The following RECK variants were observed in gnomAD, a reference collection of about 807,000 sequenced individuals.
RECK encodes reversion-inducing cysteine-rich protein with Kazal motifs.
In RECK, 69 loss-of-function variants were observed where a neutral mutation model predicts 115.1. That is an observed-to-expected ratio of 0.60 (90% CI 0.49 to 0.73). The LOEUF (loss-of-function observed/expected upper bound fraction) is 0.73, where lower values mean the gene tolerates loss of function less well. Ranked by LOEUF, RECK falls within the 30% of genes least tolerant of loss-of-function variation. The pLI is 0.00. For synonymous variants in RECK, 414 were observed against 419.7 expected (o/e 0.99, Z 0.17); for missense variants, 1,047 against 1,203.7 (o/e 0.87, Z 1.93).
At chr9:36,063,284 T>C (rs1259054383) in intron 4 of RECK, among the ~76,000 whole-genome samples, 1 of 152,220 alleles carries the variant, frequency 6.6e-6, no homozygotes, top group Admixed American at 6.5e-5. Context: ...AAGCCAGATA[T>C]ACCTGACTCA....
intron 14 of RECK, among the ~76,000 whole-genome samples, chr9:36,109,420 A>T (rs913403238): frequency 3.5e-4 from 53 of 152,238 alleles, no homozygotes; most frequent in African/African-American, 1.3e-3. Context: ...AGCCAGAAAC[A>T]TTCTTAGAGG....
chr9:36,073,231 G>GACACACACACAC (rs1296993241), intron 6 of RECK, among the ~76,000 whole-genome samples: 6 of 94,906 alleles, frequency 6.3e-5, no homozygotes, highest in East Asian at 3.3e-4. Flanking sequence ...GACACACACA[G>GACACACACACAC]ACACACACAG....
intron 1 of RECK, among the ~76,000 whole-genome samples, chr9:36,045,229 A>G (rs1821026083): frequency 6.6e-6 from 1 of 152,114 alleles, no homozygotes; most frequent in African/African-American, 2.4e-5. Flanking sequence ...ATGCAGATAT[A>G]CCCACGTGTA....
rs759021418 is a variant in RECK, at chr9:36,083,349, C to CT, written c.440-9dup. Reference sequence around the variant, plus strand: ...AGCTGTTTCCATGTCAGTGCCTTCTCTTTTTTTCTCCATAGTGGGCTCGGT... The same window carrying CT: ...AGCTGTTTCCATGTCAGTGCCTTCTCTTTTTTTTCTCCATAGTGGGCTCGGT... On this transcript the variant is annotated splice_polypyrimidine_tract_variant and intron_variant, in intron 7 of 20. Coordinates refer to ENST00000377966, the MANE Select transcript of RECK (RefSeq NM_021111.3). The CT allele has an allele frequency of 6.2e-7, 1 of 1,611,568 alleles. No homozygotes were observed. The highest frequency in any genetic ancestry group is 1.1e-5 in the South Asian group (1 of 90,516).
chr9:36,093,982 GA>G (rs1339818872), intron 10 of RECK, among the ~76,000 whole-genome samples: 3 of 149,614 alleles, frequency 2.0e-5, no homozygotes, highest in Non-Finnish European at 4.5e-5. Flanking sequence ...AGTACTCAGA[GA>G]AAAAAAAATC....
intron 19 of RECK, among the ~76,000 whole-genome samples, 183 bp from the exon 20 acceptor site, chr9:36,121,350 A>T (rs563860102): frequency 1.3e-5 from 2 of 152,218 alleles, no homozygotes; most frequent in Non-Finnish European, 2.9e-5. Context: ...TTTCTCAGTC[A>T]GGCAAAACCC....
intron 6 of RECK, among the ~76,000 whole-genome samples, chr9:36,066,538 C>A (rs141134051): frequency 9.2e-5 from 14 of 151,740 alleles, no homozygotes; most frequent in African/African-American, 3.1e-4. Flanking sequence ...TCTTTTGTTC[C>A]TTTGTACTGT....
rs1401073937 is a variant in RECK at position 36,087,923 on chromosome 9, A to G, written c.867A>G (p.Lys289=). ...CCTCTACAGGCCTCGATGGGGCTAA[A>G]TTGCATTGTTGTTCTAAAGCAAACA... ...PPPSTGLDGA[K]LHCCSKANTS... The change falls in exon 9 of 21, where the codon AAA becomes AAG. Residue 289 remains lysine, a synonymous_variant. Transcript: ENST00000377966. 7 of 1,613,584 alleles carry G rather than the reference A, an allele frequency of 4.3e-6. No homozygotes were observed. Among genetic ancestry groups the G allele is most frequent in the Non-Finnish European group, 5.9e-6 (7 of 1,179,592 alleles).
At chr9:36,062,712 A>C (rs1821828077) in intron 4 of RECK, among the ~76,000 whole-genome samples, 1 of 151,958 alleles carries the variant, frequency 6.6e-6, no homozygotes, top group Admixed American at 6.5e-5. Flanking sequence ...TCATGACCTC[A>C]AGTGATCTGC....
intron 10 of RECK, among the ~76,000 whole-genome samples, chr9:36,092,339 G>T (rs1306339487): frequency 6.6e-6 from 1 of 151,776 alleles, no homozygotes; most frequent in Non-Finnish European, 1.5e-5. Context: ...TGAAGGTATT[G>T]GAGACTGATC....
Position 36,100,438 on chromosome 9 carries a change from C to T in RECK, c.1193C>T (p.Pro398Leu), listed in dbSNP as rs1275291648. ...GSIKMPFINI[P>L]VLDIKKCQPE... ...ATAAAGATGCCATTTATCAATATAC[C>T]TGTTCTTGATATTAAAAAGTGCCAG... The change falls in exon 11 of 21, where the codon CCT (proline) becomes CTT (leucine). Residue 398 changes from proline to leucine, a missense_variant. Transcript: ENST00000377966. 5.0e-6 allele frequency: 8 copies of T among 1,612,586 alleles called. No individual in the cohort carries two copies. The highest frequency in any genetic ancestry group is 4.0e-5 in the African/African-American group (3 of 74,862).
intron 2 of RECK, among the ~76,000 whole-genome samples, chr9:36,056,243 A>T (rs77797381): frequency 7.1e-4 from 53 of 74,712 alleles, no homozygotes; most frequent in Admixed American, 6.7e-3. Context: ...TATGTCATTT[A>T]AAAAAAAAAT....
intron 1 of RECK, among the ~76,000 whole-genome samples, chr9:36,050,042 A>G (rs1054479284): frequency 6.6e-6 from 1 of 152,176 alleles, no homozygotes; most frequent in African/African-American, 2.4e-5. Flanking sequence ...CTGTCTCTGA[A>G]GGAGGGAATG....
At chr9:36,037,432 C>T (rs1235166799) in intron 1 of RECK, among the ~76,000 whole-genome samples, 2 of 151,624 alleles carry the variant, frequency 1.3e-5, no homozygotes, top group Non-Finnish European at 2.9e-5. Flanking sequence ...AGGATCGTCG[C>T]GAGGTTTAGA....
chr9:36,112,239 A>G, intron 15 of RECK, 66 bp from the exon 16 acceptor site: 1 of 1,516,654 alleles, frequency 6.6e-7, no homozygotes. Flanking sequence ...GTTTGCCTTA[A>G]CAAGGAAATA....
chr9:36,109,856 G>A (rs1587085109), intron 14 of RECK, 101 bp from the exon 15 acceptor site: 18 of 1,113,414 alleles, frequency 1.6e-5, no homozygotes, highest in South Asian at 7.8e-5. Flanking sequence ...AAAAAAAAAA[G>A]GAATTTCCAT....
intron 10 of RECK, among the ~76,000 whole-genome samples, chr9:36,099,646 T>C (rs746553588): frequency 5.9e-5 from 9 of 151,918 alleles, no homozygotes; most frequent in Non-Finnish European, 1.3e-4. Flanking sequence ...TTTTTGTTTG[T>C]TTGTTTTTGT....
intron 1 of RECK, among the ~76,000 whole-genome samples, chr9:36,050,076 T>C (rs1393247189): frequency 6.6e-6 from 1 of 152,186 alleles, no homozygotes; most frequent in Non-Finnish European, 1.5e-5. Context: ...TCAGATCTTG[T>C]CCTTCCCCAG....
In RECK at chr9:36,087,714, G is replaced by A. The variant is rs755997025; in HGVS notation, c.658G>A (p.Ala220Thr). ...TGTAGGTTTATATTGCTGTGACAGA[G>A]CTGAAGACCATGCTTGCCAAAATGC... The part of the protein sequence containing the change: ...PTDSLYCCDR[A>T]EDHACQNACK... The change falls in exon 9 of 21, where the codon GCT (alanine) becomes ACT (threonine). Residue 220 changes from alanine (A) to threonine (T), a missense_variant. Ala to Thr is a moderately conservative substitution (Grantham distance 58, BLOSUM62 0). Transcript: ENST00000377966. 1 of 1,613,960 alleles carries A rather than the reference G, an allele frequency of 6.2e-7. No individual in the cohort carries two copies. The highest frequency in any genetic ancestry group is 8.5e-7 in the Non-Finnish European group (1 of 1,179,884).
Sources: allele counts gnomAD v4.1 joint callset (sites outside exome capture counted in the v4.1 genomes callset), GRCh38; gene constraint gnomAD v4.1.1; transcripts MANE v1.5; gene names NCBI Gene and HGNC (gene_info 2026-07-23, HGNC 2026-07-21).